Variants in HIVEP3 observed in about 807,000 individuals in gnomAD.
The protein encoded by HIVEP3 is HIVEP zinc finger 3, also known as transcription factor HIVEP3.
A neutral mutation model predicts 152.8 loss-of-function variants in HIVEP3; 49 were observed. That is an observed-to-expected ratio of 0.32 (90% CI 0.26 to 0.41). HIVEP3 has a LOEUF of 0.41. Among genes scored for constraint, HIVEP3 ranks in the 10% least tolerant of loss-of-function variants. The pLI is 1.00. For synonymous variants in HIVEP3, 1,269 were observed against 1,289.0 expected (o/e 0.98, Z 0.33); for missense variants, 2,790 against 3,103.3 (o/e 0.90, Z 2.40).
chr1:41,515,790 C>T lies in HIVEP3; in HGVS notation c.5471-2040G>A, dbSNP rs149402039. 9.7e-3 allele frequency among the ~76,000 whole-genome samples: 1,474 copies of T among 152,252 alleles called. 32 individuals are homozygous for T. The highest frequency in any genetic ancestry group is 0.048 in the Admixed American group (727 of 15,302). ...TCTGTAAACTGGGTAGCAATAAAAG[C>T]ACTCTAGGAAGCTGTTCAGAGGACT... On this transcript the variant is annotated intron_variant, in intron 7 of 8. Transcript: ENST00000372583.
chr1:41,736,055 A>G (rs1018695367), intron 1 of HIVEP3, among the ~76,000 whole-genome samples: 1 of 152,144 alleles, frequency 6.6e-6, no homozygotes, highest in African/African-American at 2.4e-5. Flanking sequence ...CACCTTTTCC[A>G]TGCTCAATGA....
chr1:41,696,643 G>A (rs943262226), intron 2 of HIVEP3, among the ~76,000 whole-genome samples: 1 of 152,204 alleles, frequency 6.6e-6, no homozygotes. Context: ...TGTGGCAGCT[G>A]CTGCCTCTTG....
chr1:41,854,484 C>T (rs1643697802), intron 1 of HIVEP3, among the ~76,000 whole-genome samples: 1 of 150,380 alleles, frequency 6.6e-6, no homozygotes, highest in Non-Finnish European at 1.5e-5. Context: ...TGGAGCACTG[C>T]TCAGGGCTCC....
intron 6 of HIVEP3, among the ~76,000 whole-genome samples, chr1:41,521,954 C>T (rs1041787398): frequency 6.6e-6 from 1 of 152,250 alleles, no homozygotes; most frequent in African/African-American, 2.4e-5. Flanking sequence ...CACAGGCCTC[C>T]CCAGCCCCAC....
intron 5 of HIVEP3, among the ~76,000 whole-genome samples, chr1:41,550,258 A>G (rs1348337727): frequency 6.6e-6 from 1 of 152,236 alleles, no homozygotes; most frequent in Non-Finnish European, 1.5e-5. Flanking sequence ...TACTAGTACC[A>G]TGCTGTTTTG....
intron 1 of HIVEP3, among the ~76,000 whole-genome samples, chr1:41,804,792 G>A (rs1194547175): frequency 6.6e-6 from 1 of 152,130 alleles, no homozygotes; most frequent in Non-Finnish European, 1.5e-5. Flanking sequence ...CAGAGCAAGT[G>A]GATTAGAGGA....
At chr1:41,649,561 C>T (rs189029478) in intron 2 of HIVEP3, among the ~76,000 whole-genome samples, 1 of 152,340 alleles carries the variant, frequency 6.6e-6, no homozygotes, top group Non-Finnish European at 1.5e-5. Flanking sequence ...TCCCCAAATA[C>T]ATTTCCTATG....
intron 3 of HIVEP3, among the ~76,000 whole-genome samples, chr1:41,599,111 C>T (rs1644709819): frequency 6.6e-6 from 1 of 152,062 alleles, no homozygotes; most frequent in Non-Finnish European, 1.5e-5. Flanking sequence ...GCCACCACAC[C>T]CAGTCTCAGT....
intron 2 of HIVEP3, among the ~76,000 whole-genome samples, chr1:41,697,162 T>C (rs1323935357): frequency 2.0e-5 from 3 of 152,136 alleles, no homozygotes; most frequent in Non-Finnish European, 2.9e-5. Context: ...CTTAATTCTG[T>C]AGCTGGTTTT....
intron 1 of HIVEP3, among the ~76,000 whole-genome samples, chr1:41,740,457 G>T (rs768740357): frequency 1.3e-5 from 2 of 152,236 alleles, no homozygotes; most frequent in Non-Finnish European, 2.9e-5. Flanking sequence ...AAGCCCAAAG[G>T]TTCTGGAATG....
chr1:41,786,312 A>G (rs1292431179), intron 1 of HIVEP3, among the ~76,000 whole-genome samples: 1 of 152,224 alleles, frequency 6.6e-6, no homozygotes, highest in Non-Finnish European at 1.5e-5. Context: ...CACTCAGTAG[A>G]GATGAGTTTC....
chr1:41,593,282 C>T (rs1463476644), intron 3 of HIVEP3, among the ~76,000 whole-genome samples: 1 of 152,144 alleles, frequency 6.6e-6, no homozygotes, highest in Non-Finnish European at 1.5e-5. Flanking sequence ...TTCTTCCCGA[C>T]GTCCTAATGT....
intron 1 of HIVEP3, among the ~76,000 whole-genome samples, chr1:41,797,355 A>G (rs908317919): frequency 6.6e-6 from 1 of 152,202 alleles, no homozygotes; most frequent in Non-Finnish European, 1.5e-5. Flanking sequence ...AGAGCACAGT[A>G]TGTGAGCTTC....
chr1:41,719,024 G>A (rs1646638866), intron 1 of HIVEP3, among the ~76,000 whole-genome samples: 1 of 152,212 alleles, frequency 6.6e-6, no homozygotes, highest in South Asian at 2.1e-4. Context: ...GGCCAAGTGG[G>A]AGTAACAAGA....
intron 1 of HIVEP3, among the ~76,000 whole-genome samples, chr1:41,819,104 G>A (rs935959873): frequency 8.5e-5 from 13 of 152,094 alleles, no homozygotes; most frequent in African/African-American, 2.9e-4. Context: ...TAAAATTCAG[G>A]CAGTTTGAAT....
chr1:41,856,202 A>T (rs887009827), intron 1 of HIVEP3, among the ~76,000 whole-genome samples: 19 of 152,208 alleles, frequency 1.2e-4, no homozygotes, highest in African/African-American at 3.9e-4. Flanking sequence ...AATTTAAGAC[A>T]CCATGTTGCA....
At chr1:41,806,285 A>G (rs1650603790) in intron 1 of HIVEP3, among the ~76,000 whole-genome samples, 1 of 152,162 alleles carries the variant, frequency 6.6e-6, no homozygotes, top group Non-Finnish European at 1.5e-5. Context: ...TAACCTTAGG[A>G]GACCCAGCCA....
rs756011477 is a variant in HIVEP3, at chr1:41,513,247, A to C, written c.5974T>G (p.Ser1992Ala). The stretch of plus-strand genomic sequence containing the variant: ...GCCGGGGAGCATCGCTGGGGAGATG[A>C]GTCGTTTTTGGTTAGCGAGTGTTTG... ...ARKHSLTKND[S>A]SPQRCSPARE... is the part of the protein sequence containing the mutation. Residue 1992 changes from serine (S) to alanine (A), a missense_variant, in exon 8 of 9, where the codon TCA becomes GCA. By Grantham distance (99) the Ser-to-Ala change is moderately conservative. Around this residue, in one of 9 missense-constraint regions of HIVEP3, gnomAD observed 816 missense variants for 806.5 expected, o/e 1.01. Transcript: ENST00000372583. 7.4e-6 allele frequency: 12 copies of C among 1,613,274 alleles called. No individual in the cohort carries two copies. In the African/African-American group the frequency reaches 1.3e-4, roughly 18 times the overall value.
intron 1 of HIVEP3, among the ~76,000 whole-genome samples, chr1:41,976,529 T>C (rs374706048): frequency 8.3e-4 from 126 of 152,340 alleles, no homozygotes; most frequent in African/African-American, 2.7e-3. Flanking sequence ...TTATATAACA[T>C]GCAATTTCCA....
Sources: allele counts gnomAD v4.1 joint callset (sites outside exome capture counted in the v4.1 genomes callset), GRCh38; gene constraint gnomAD v4.1.1; regional missense constraint gnomAD v4.1.1; transcripts MANE v1.5; gene names NCBI Gene and HGNC (gene_info 2026-07-23, HGNC 2026-07-21).